OTOGL: variants seen among roughly 807,000 people sequenced by gnomAD.
The protein encoded by OTOGL is otogelin-like protein.
OTOGL carries 285 observed loss-of-function variants against 318.5 expected under a neutral mutation model. The ratio of observed to expected loss-of-function variants is 0.89; its 90% CI spans 0.81 to 0.99. The LOEUF (loss-of-function observed/expected upper bound fraction) is 0.99, where lower values mean the gene tolerates loss of function less well. Among genes scored for constraint, OTOGL ranks in the 50% least tolerant of loss-of-function variants. OTOGL has a pLI of 0.00. For missense variants in OTOGL, 2,899 were observed against 2,845.6 expected, an observed-to-expected ratio of 1.02 and a Z score of -0.43; for synonymous variants, 987 against 936.5, an observed-to-expected ratio of 1.05 and a Z score of -0.99.
chr12:80,193,361 C>CA (rs1875828363), intron 1 of OTOGL, among the ~76,000 whole-genome samples: 1 of 151,958 alleles, frequency 6.6e-6, no homozygotes, highest in African/African-American at 2.4e-5. Context: ...ACTAAAAATA[C>CA]AAAAGTTAGC....
chr12:80,305,992 C>T (rs1886083714), intron 29 of OTOGL, among the ~76,000 whole-genome samples: 1 of 152,128 alleles, frequency 6.6e-6, no homozygotes, highest in South Asian at 2.1e-4. Flanking sequence ...TCTCTTCACC[C>T]TCATGTTTTC....
At chr12:80,263,727 A>G (rs965019211) in intron 19 of OTOGL, among the ~76,000 whole-genome samples, 1 of 152,032 alleles carries the variant, frequency 6.6e-6, no homozygotes, top group African/African-American at 2.4e-5. Context: ...ATTCAGGAAG[A>G]TCCTCAAAGA....
intron 1 of OTOGL, among the ~76,000 whole-genome samples, chr12:80,195,495 G>A (rs1997401): frequency 0.43 from 65,036 of 152,130 alleles, 16,659 homozygotes; most frequent in Admixed American, 0.58. Flanking sequence ...GTAGAATGAA[G>A]GCAGACAAGG....
chr12:80,299,785 C>CT (rs1183101405), intron 27 of OTOGL, among the ~76,000 whole-genome samples: 4 of 152,064 alleles, frequency 2.6e-5, no homozygotes, highest in Non-Finnish European at 5.9e-5. Context: ...TTAAAGTGCT[C>CT]TAATTCTCAT....
At chr12:80,134,710 C>G (rs1418972768) in intron 1 of OTOGL, among the ~76,000 whole-genome samples, 3 of 152,166 alleles carry the variant, frequency 2.0e-5, no homozygotes, top group Non-Finnish European at 4.4e-5. Context: ...CCCTTTCCCA[C>G]CAAAGCTTAC....
chr12:80,137,958 A>G (rs940286864), intron 1 of OTOGL, among the ~76,000 whole-genome samples: 1 of 152,274 alleles, frequency 6.6e-6, no homozygotes, highest in East Asian at 1.9e-4. Context: ...TAGAGGAGCT[A>G]AAAAAATAGA....
In OTOGL at chr12:80,225,348, G is replaced by A. The variant is rs528863738; in HGVS notation, c.489+3103G>A. On this transcript the variant is annotated intron_variant, in intron 7 of 58. Coordinates refer to ENST00000547103, the MANE Select transcript of OTOGL (RefSeq NM_001378609.3). ...GACTGAGGTGTCAACGAGATAACCTGTCCTTTGTTAGTAACACACAATGCT... is the reference window on the plus strand; with the variant it reads ...GACTGAGGTGTCAACGAGATAACCTATCCTTTGTTAGTAACACACAATGCT... Among the ~76,000 whole-genome samples, 82 of 151,948 alleles carry A rather than the reference G, an allele frequency of 5.4e-4. 1 individual carries two copies. Among genetic ancestry groups the A allele is most frequent in the South Asian group, 2.1e-3 (10 of 4,808 alleles).
intron 18 of OTOGL, among the ~76,000 whole-genome samples, chr12:80,260,919 G>T (rs1481855355): frequency 1.3e-5 from 2 of 152,078 alleles, no homozygotes; most frequent in Non-Finnish European, 2.9e-5. Flanking sequence ...ATTACTTTGA[G>T]TCTCACTGTT....
At position 80,260,839 on chromosome 12, in the gene OTOGL, A is replaced by G. The variant is rs112928090; in HGVS notation, c.1890-1130A>G. Among the ~76,000 whole-genome samples the G allele has an allele frequency of 2.3e-3, 347 of 152,258 alleles. 4 individuals carry two copies. Among genetic ancestry groups the G allele is most frequent in the African/African-American group, 8.0e-3 (332 of 41,572 alleles). On this transcript the variant is annotated intron_variant, in intron 18 of 58. Coordinates refer to ENST00000547103, the MANE Select transcript of OTOGL (RefSeq NM_001378609.3). ...ACCTGTCACCCTGACCTATTTTATT[A>G]TCCTTCAGAGGAGTGAAGAGAGAAG...
intron 1 of OTOGL, among the ~76,000 whole-genome samples, chr12:80,178,766 A>G (rs1874715870): frequency 6.6e-6 from 1 of 152,200 alleles, no homozygotes; most frequent in African/African-American, 2.4e-5. Flanking sequence ...GGTCTCTGGT[A>G]CCCTAACTAC....
chr12:80,320,286 G>T, intron 33 of OTOGL, 136 bp from the exon 34 acceptor site: 1 of 725,414 alleles, frequency 1.4e-6, no homozygotes, highest in Non-Finnish European at 2.0e-6. Context: ...GTTTATTTGT[G>T]AAATCTTAGT....
At chr12:80,237,466 AAGT>A (rs1228771362) in intron 9 of OTOGL, among the ~76,000 whole-genome samples, 2 of 152,134 alleles carry the variant, frequency 1.3e-5, no homozygotes, top group South Asian at 4.1e-4. Flanking sequence ...GGCCTATATG[AAGT>A]AAGGGAGGCA....
chr12:80,368,257 A>T lies in OTOGL; in HGVS notation c.6563A>T (p.Lys2188Ile). The T allele has an allele frequency of 6.2e-7, 1 of 1,604,212 alleles. No homozygotes were observed. The highest frequency in any genetic ancestry group is 2.2e-5 in the East Asian group (1 of 44,618). The change falls in exon 55 of 59, where the codon AAA (lysine) becomes ATA (isoleucine). Residue 2188 changes from lysine to isoleucine, a missense_variant. Coordinates refer to ENST00000547103, the MANE Select transcript of OTOGL (RefSeq NM_001378609.3). ...GATTATGGTTGTTGTGGTACCTGCA[A>T]AAATGTATCCTGCAAATTTCACATG... The part of the protein sequence containing the change: ...PSDYGCCGTC[K>I]NVSCKFHMEN...
At chr12:80,232,327 G>T (rs1879442060) in intron 8 of OTOGL, among the ~76,000 whole-genome samples, 1 of 151,922 alleles carries the variant, frequency 6.6e-6, no homozygotes, top group Non-Finnish European at 1.5e-5. Flanking sequence ...GTCATCCTTT[G>T]ATTTTTTTTA....
chr12:80,304,806 A>G (rs1024381819), intron 28 of OTOGL, among the ~76,000 whole-genome samples: 5 of 152,206 alleles, frequency 3.3e-5, no homozygotes, highest in African/African-American at 1.2e-4. Context: ...TTCTAGAAGC[A>G]GTAGAACTAC....
intron 33 of OTOGL, 65 bp downstream of exon 33, chr12:80,318,778 A>T (rs1887140026): frequency 9.2e-7 from 1 of 1,088,540 alleles, no homozygotes; most frequent in South Asian, 4.7e-5. Flanking sequence ...CCACTCAGTA[A>T]ATATTAATTG....
At chr12:80,341,620 A>C (rs1444813616) in intron 43 of OTOGL, among the ~76,000 whole-genome samples, 1 of 152,184 alleles carries the variant, frequency 6.6e-6, no homozygotes, top group East Asian at 1.9e-4. Context: ...CTAGTTACTA[A>C]GTTAGAAGAT....
chr12:80,235,658 T>C (rs1879781037), intron 9 of OTOGL, among the ~76,000 whole-genome samples: 1 of 151,998 alleles, frequency 6.6e-6, no homozygotes, highest in Admixed American at 6.6e-5. Flanking sequence ...TGGTTGTTCA[T>C]AGTGAGCCAA....
intron 1 of OTOGL, among the ~76,000 whole-genome samples, chr12:80,116,018 C>T (rs1870138023): frequency 6.6e-6 from 1 of 152,066 alleles, no homozygotes; most frequent in African/African-American, 2.4e-5. Context: ...GAGAAGACCA[C>T]TTGGTTCCCT....
Sources: gnomAD v4.1 joint callset for allele counts (sites outside exome capture counted in the v4.1 genomes callset) on GRCh38, gnomAD v4.1.1 for gene constraint, MANE v1.5 for transcripts, NCBI Gene and HGNC (gene_info 2026-07-23, HGNC 2026-07-21) for gene names.